The following PRTG variants were observed in gnomAD, a reference collection of about 807,000 sequenced individuals.
The protein encoded by PRTG is immunoglobulin superfamily, DCC subclass, member 5.
PRTG carries 67 observed loss-of-function variants against 122.5 expected under a neutral mutation model. The ratio of observed to expected loss-of-function variants is 0.55; its 90% CI spans 0.45 to 0.67. The LOEUF (loss-of-function observed/expected upper bound fraction) is 0.67. PRTG is among the 30% of genes least tolerant of loss of function. PRTG has a pLI of 0.00. For missense variants in PRTG, 1,435 were observed against 1,415.4 expected (o/e 1.01, Z -0.22); for synonymous variants, 554 against 501.1 (o/e 1.11, Z -1.41).
chr15:55,621,400 G>A (rs2059165465), intron 18 of PRTG, among the ~76,000 whole-genome samples: 1 of 151,776 alleles, frequency 6.6e-6, no homozygotes, highest in Admixed American at 6.6e-5. Flanking sequence ...GCTCACGCCT[G>A]TAATCCCAGT....
At position 55,616,211 on chromosome 15, in the gene PRTG, G is replaced by C. The variant is rs556045892; in HGVS notation, c.*3801C>G. The C allele has an allele frequency of 1.3e-5, 2 of 152,154 alleles. No individual in the cohort carries two copies. Among genetic ancestry groups the C allele is most frequent in the African/African-American group, 4.8e-5 (2 of 41,512 alleles). 9.4% of individuals were successfully genotyped at this position (152,154 alleles called of 1,614,324 possible). A position where few individuals can be genotyped will look rare whatever the true frequency, so the allele number is the denominator to read the frequency against. On this transcript the variant is annotated 3_prime_UTR_variant, in exon 20 of 20. Coordinates refer to ENST00000389286, the MANE Select transcript of PRTG (RefSeq NM_173814.6). ...TTTACCCAAGGTTCCATTAAAGTTT[G>C]AAAACTGAGCTCCTTTGGTGCAATG... is the stretch of plus-strand genomic sequence containing the variant.
Position 55,613,331 on chromosome 15 carries a change from C to T in PRTG, c.*6681G>A, listed in dbSNP as rs993492073. 2.6e-5 allele frequency: 4 copies of T among 152,110 alleles called. No homozygotes were observed. The highest frequency in any genetic ancestry group is 7.2e-5 in the African/African-American group (3 of 41,424). The allele number at this position is 152,110 out of a possible 1,614,324, so 9.4% of individuals were successfully genotyped here. On this transcript the variant is annotated 3_prime_UTR_variant, in exon 20 of 20. Transcript: ENST00000389286. ...ACAAGAAAGGATTACTGTTTACACA[C>T]CTGACTTTTTCAAGTCAATGAATTC...
At chr15:55,662,342 T>C (rs777564942) in intron 11 of PRTG, among the ~76,000 whole-genome samples, 9 of 152,150 alleles carry the variant, frequency 5.9e-5, no homozygotes, top group Non-Finnish European at 8.8e-5. Context: ...GAGGCAGAAA[T>C]GCAAATCATG....
intron 15 of PRTG, among the ~76,000 whole-genome samples, chr15:55,633,849 C>A (rs555488668): frequency 2.0e-5 from 3 of 152,110 alleles, no homozygotes; most frequent in African/African-American, 7.2e-5. Context: ...ATGACAAAAG[C>A]TTTTCACAAA....
intron 11 of PRTG, among the ~76,000 whole-genome samples, chr15:55,659,750 T>G (rs1453922101): frequency 6.6e-6 from 1 of 151,594 alleles, no homozygotes; most frequent in Non-Finnish European, 1.5e-5. Context: ...TGAAACCCCG[T>G]CTCTACTAAA....
Position 55,674,082 on chromosome 15 carries a change from G to GT in PRTG, c.1547-407dup, listed in dbSNP as rs528557518. Among the ~76,000 whole-genome samples, 16 of 152,340 alleles carry GT rather than the reference G, an allele frequency of 1.1e-4. No individual in the cohort carries two copies. The East Asian group carries it at 2.7e-3, about 26-fold the overall frequency. On this transcript the variant is annotated intron_variant, in intron 9 of 19. Coordinates refer to ENST00000389286, the MANE Select transcript of PRTG (RefSeq NM_173814.6). ...AACCAAGCAAATAATATTTTGAAGT[G>GT]TAAGAGTTGCATCTTAAAAATTAAT...
chr15:55,615,075 G>C lies in PRTG; in HGVS notation c.*4937C>G, dbSNP rs1246748510. 6.6e-6 allele frequency: 1 copy of C among 152,128 alleles called. No individual in the cohort carries two copies. The highest frequency in any genetic ancestry group is 6.6e-5 in the Admixed American group (1 of 15,266). 9.4% of individuals were successfully genotyped at this position (152,128 alleles called of 1,614,324 possible). On this transcript the variant is annotated 3_prime_UTR_variant, in exon 20 of 20. Coordinates refer to ENST00000389286, the MANE Select transcript of PRTG (RefSeq NM_173814.6). ...ACCTAGATAACCTGTATCAGCTGGG[G>C]TTGGACAAAGAGAAATGATAACGGA...
chr15:55,705,716 C>T (rs1014975164), intron 2 of PRTG, among the ~76,000 whole-genome samples: 1 of 152,166 alleles, frequency 6.6e-6, no homozygotes, highest in African/African-American at 2.4e-5. Flanking sequence ...GCTGGGATTA[C>T]AGGCATAAGC....
intron 2 of PRTG, among the ~76,000 whole-genome samples, chr15:55,693,609 T>A (rs2059616989): frequency 6.6e-6 from 1 of 152,168 alleles, no homozygotes; most frequent in African/African-American, 2.4e-5. Context: ...GATATTAAAA[T>A]CCATACATCT....
chr15:55,732,404 C>T (rs898568061), intron 2 of PRTG, among the ~76,000 whole-genome samples: 11 of 151,328 alleles, frequency 7.3e-5, no homozygotes, highest in Non-Finnish European at 7.4e-5. Flanking sequence ...AGGCTGGTCT[C>T]GAACTCCTGA....
chr15:55,626,785 A>G (rs943470314), intron 17 of PRTG, among the ~76,000 whole-genome samples: 2 of 152,114 alleles, frequency 1.3e-5, no homozygotes, highest in Admixed American at 1.3e-4. Context: ...GAAAAAAGAA[A>G]AAAAAAGAAT....
At chr15:55,623,180 G>GGCC (rs2059176118) in intron 18 of PRTG, among the ~76,000 whole-genome samples, 1 of 151,938 alleles carries the variant, frequency 6.6e-6, no homozygotes, top group Non-Finnish European at 1.5e-5. Context: ...TTCTGTAGAG[G>GGCC]GCCAGATCGT....
chr15:55,627,492 G>GTTTT (rs35022592), intron 16 of PRTG, among the ~76,000 whole-genome samples: 2 of 104,772 alleles, frequency 1.9e-5, no homozygotes, highest in East Asian at 3.2e-4. Context: ...GCCCAGCTAA[G>GTTTT]TTTTTTTTTT....
At chr15:55,685,162 T>C (rs2059563237) in intron 2 of PRTG, among the ~76,000 whole-genome samples, 2 of 152,092 alleles carry the variant, frequency 1.3e-5, no homozygotes, top group Admixed American at 1.3e-4. Context: ...AAATGAGAAG[T>C]TATGAAGAAG....
intron 11 of PRTG, among the ~76,000 whole-genome samples, chr15:55,661,292 A>G (rs1439651292): frequency 6.6e-6 from 1 of 152,136 alleles, no homozygotes; most frequent in African/African-American, 2.4e-5. Flanking sequence ...TCAGAGCACA[A>G]ACTTAACTGA....
At chr15:55,620,563 A>T in intron 19 of PRTG, 100 bp downstream of exon 19, 1 of 1,456,088 alleles carries the variant, frequency 6.9e-7, no homozygotes, top group Non-Finnish European at 9.1e-7. Context: ...TGAAGAACAC[A>T]GAAAATTAAA....
At position 55,680,501 on chromosome 15, in the gene PRTG, C is replaced by A; in HGVS notation, c.804G>T (p.Trp268Cys). ...CCTGAGAAGACTTACCAAGGCGGCT[C>A]CAAGAAATGATTGGTTTGGGATTTC... ...ATGNPKPIIS[W>C]SRLDHKSIDV... The change falls in exon 5 of 20, where the codon TGG becomes TGT. Residue 268 changes from tryptophan (W) to cysteine (C), a missense_variant. Trp to Cys is a radical substitution (Grantham distance 215). Coordinates refer to ENST00000389286, the MANE Select transcript of PRTG (RefSeq NM_173814.6). 6.3e-7 allele frequency: 1 copy of A among 1,588,668 alleles called. No individual in the cohort carries two copies. The highest frequency in any genetic ancestry group is 8.5e-7 in the Non-Finnish European group (1 of 1,169,602).
intron 2 of PRTG, among the ~76,000 whole-genome samples, chr15:55,694,847 G>C (rs1475665384): frequency 6.6e-6 from 1 of 152,122 alleles, no homozygotes; most frequent in Non-Finnish European, 1.5e-5. Context: ...CGCCAGTTAG[G>C]TATGATTTTA....
intron 2 of PRTG, among the ~76,000 whole-genome samples, chr15:55,687,180 G>A (rs774257763): frequency 6.6e-5 from 10 of 152,220 alleles, no homozygotes; most frequent in Non-Finnish European, 1.3e-4. Context: ...AACTAGAATT[G>A]TAAGGAGTTT....
Sources: gnomAD v4.1 joint callset for allele counts (sites outside exome capture counted in the v4.1 genomes callset) on GRCh38, gnomAD v4.1.1 for gene constraint, MANE v1.5 for transcripts, NCBI Gene and HGNC (gene_info 2026-07-23, HGNC 2026-07-21) for gene names.